Variants in LRRIQ3 observed in about 807,000 individuals in gnomAD.
LRRIQ3 encodes the protein leucine-rich repeat and IQ domain-containing protein 3.
LRRIQ3 carries 75 observed loss-of-function variants against 59.3 expected under a neutral mutation model. The ratio of observed to expected loss-of-function variants is 1.26; its 90% CI spans 1.05 to 1.53. The LOEUF (loss-of-function observed/expected upper bound fraction) is 1.53, where lower values mean the gene tolerates loss of function less well. Among genes scored for constraint, LRRIQ3 ranks in the 40% most tolerant of loss-of-function variants. LRRIQ3 has a pLI of 0.00. For missense variants in LRRIQ3, 831 were observed against 710.0 expected (o/e 1.17, Z -1.94); for synonymous variants, 250 against 231.3 (o/e 1.08, Z -0.73).
chr1:74,167,193 A>G (rs1295097942), intron 3 of LRRIQ3, among the ~76,000 whole-genome samples: 2 of 152,004 alleles, frequency 1.3e-5, no homozygotes, highest in South Asian at 2.1e-4. Flanking sequence ...TTGCAAAAAT[A>G]TGGAACCAGC....
chr1:74,169,414 C>T (rs767998148), intron 3 of LRRIQ3, among the ~76,000 whole-genome samples: 2 of 152,084 alleles, frequency 1.3e-5, no homozygotes, highest in Non-Finnish European at 2.9e-5. Flanking sequence ...TTAATTGTTT[C>T]TTATATAGAC....
At chr1:74,118,693 T>A (rs1646811305) in intron 4 of LRRIQ3, among the ~76,000 whole-genome samples, 1 of 151,934 alleles carries the variant, frequency 6.6e-6, no homozygotes, top group African/African-American at 2.4e-5. Flanking sequence ...AATATAGAGA[T>A]ATATATATAG....
intron 3 of LRRIQ3, among the ~76,000 whole-genome samples, chr1:74,174,007 T>C (rs1570257412): frequency 6.6e-6 from 1 of 152,156 alleles, no homozygotes; most frequent in South Asian, 2.1e-4. Flanking sequence ...ATTTCTTTCA[T>C]TTCTATCTAC....
chr1:74,042,319 G>A (rs932003965), intron 6 of LRRIQ3, among the ~76,000 whole-genome samples: 1 of 152,098 alleles, frequency 6.6e-6, no homozygotes, highest in Non-Finnish European at 1.5e-5. Flanking sequence ...GGGTAGCACT[G>A]AGAACCAGTG....
chr1:74,081,033 A>T (rs35254383), intron 5 of LRRIQ3, among the ~76,000 whole-genome samples: 80 of 151,574 alleles, frequency 5.3e-4, no homozygotes, highest in African/African-American at 1.9e-3. Context: ...AAAGTTACTT[A>T]AAAAAGATAA....
At chr1:74,132,147 C>A (rs1240533988) in intron 4 of LRRIQ3, among the ~76,000 whole-genome samples, 1 of 152,022 alleles carries the variant, frequency 6.6e-6, no homozygotes, top group East Asian at 1.9e-4. Flanking sequence ...AATAAAATAC[C>A]TAGGAATCCA....
chr1:74,138,422 A>G, intron 4 of LRRIQ3: 5 of 937,024 alleles, frequency 5.3e-6, no homozygotes, highest in Non-Finnish European at 6.4e-6. Context: ...CCTTCAATCC[A>G]TTACCAGACT....
intron 6 of LRRIQ3, 56 bp downstream of exon 6, chr1:74,074,601 ATTAT>A: frequency 1.3e-6 from 1 of 796,768 alleles, no homozygotes; most frequent in Non-Finnish European, 1.7e-6. Context: ...TTCTAATTAT[ATTAT>A]TTACTCTTCA....
chr1:74,151,761 A>C (rs1477543241), intron 4 of LRRIQ3, among the ~76,000 whole-genome samples: 1 of 152,136 alleles, frequency 6.6e-6, no homozygotes, highest in African/African-American at 2.4e-5. Flanking sequence ...AAATAATAGT[A>C]ATTGAGTGGC....
chr1:74,094,197 AGAG>A (rs2100523084), intron 5 of LRRIQ3, among the ~76,000 whole-genome samples: 1 of 152,184 alleles, frequency 6.6e-6, no homozygotes, highest in East Asian at 1.9e-4. Context: ...TTACTTCTTT[AGAG>A]TCCCCATCTC....
chr1:74,193,849 A>C (rs1474047343), intron 1 of LRRIQ3, among the ~76,000 whole-genome samples: 1 of 152,118 alleles, frequency 6.6e-6, no homozygotes, highest in Non-Finnish European at 1.5e-5. Context: ...CTGCATATAA[A>C]ATCAAATCAT....
chr1:74,072,445 G>A (rs1655053143), intron 6 of LRRIQ3, among the ~76,000 whole-genome samples: 2 of 151,936 alleles, frequency 1.3e-5, no homozygotes, highest in East Asian at 3.9e-4. Flanking sequence ...GGGCTTTGGT[G>A]ATCCCATGAA....
At position 74,183,631 on chromosome 1, in the gene LRRIQ3, G is replaced by T. The variant is rs771539119; in HGVS notation, c.54C>A (p.His18Gln). ...GACCTTCTCTTATGTTTTCATTATA[G>T]TGACTCCATTCTTCATGACTGGTTA... Reference protein sequence around the residue: ...EELTSHEEWSHYNENIREGQK... With the variant: ...EELTSHEEWSQYNENIREGQK... The change falls in exon 2 of 8, where the codon CAC (histidine) becomes CAA (glutamine). Residue 18 changes from histidine to glutamine, a missense_variant. Physicochemically the swap from His to Gln is conservative, Grantham distance 24 (BLOSUM62 0). Coordinates refer to ENST00000354431, the MANE Select transcript of LRRIQ3 (RefSeq NM_001105659.2). The T allele has an allele frequency of 7.4e-6, 12 of 1,611,248 alleles. No individual in the cohort carries two copies. The highest frequency in any genetic ancestry group is 9.3e-6 in the Non-Finnish European group (11 of 1,178,310).
At chr1:74,037,485 A>G (rs1267659829) in intron 7 of LRRIQ3, among the ~76,000 whole-genome samples, 1 of 152,118 alleles carries the variant, frequency 6.6e-6, no homozygotes, top group African/African-American at 2.4e-5. Context: ...TAAAAATACA[A>G]AAAACGGCTT....
chr1:74,197,376 C>A (rs974793315), intron 1 of LRRIQ3, among the ~76,000 whole-genome samples: 14 of 152,048 alleles, frequency 9.2e-5, no homozygotes, highest in Non-Finnish European at 1.9e-4. Context: ...AATTGTGATA[C>A]CTTGACTAAC....
At position 74,126,538 on chromosome 1, in the gene LRRIQ3, G is replaced by A. The variant is rs188733439; in HGVS notation, c.708-16985C>T. On this transcript the variant is annotated intron_variant, in intron 4 of 7. Transcript: ENST00000354431. ...GCTCTCACTGTATTTTATAATATTT[G>A]GTAGGTTCTGCTTCCATTATCATTC... Among the ~76,000 whole-genome samples, 9 of 151,694 alleles carry A rather than the reference G, an allele frequency of 5.9e-5. No homozygotes were observed. The East Asian group carries it at 9.7e-4, about 16-fold the overall frequency.
intron 5 of LRRIQ3, among the ~76,000 whole-genome samples, chr1:74,093,361 C>T (rs1646414210): frequency 6.6e-6 from 1 of 152,080 alleles, no homozygotes; most frequent in African/African-American, 2.4e-5. Flanking sequence ...AGAGTGTTTA[C>T]TATTCCTATC....
At chr1:74,108,923 G>T in intron 5 of LRRIQ3, 1 of 407,762 alleles carries the variant, frequency 2.5e-6, no homozygotes. Context: ...CATACCACTT[G>T]CAAAATGTCT....
In LRRIQ3 at chr1:74,035,364, G is replaced by A. The variant is rs1022156916; in HGVS notation, c.1718+5849C>T. ...TCATAACTGATTTATTCTTTAATGA[G>A]TTAAATGATATCTTTGGCATGTGCT... On this transcript the variant is annotated intron_variant, in intron 7 of 7. Transcript: ENST00000354431. Among the ~76,000 whole-genome samples, 14 of 152,158 alleles carry A rather than the reference G, an allele frequency of 9.2e-5. 1 individual carries two copies. In the South Asian group the frequency reaches 2.7e-3, roughly 29 times the overall value.
Sources: allele counts gnomAD v4.1 joint callset (sites outside exome capture counted in the v4.1 genomes callset), GRCh38; gene constraint gnomAD v4.1.1; transcripts MANE v1.5; gene names NCBI Gene and HGNC (gene_info 2026-07-23, HGNC 2026-07-21).